SPAG17: variants seen among roughly 807,000 people sequenced by gnomAD.
SPAG17 encodes the protein sperm associated antigen 17.
A neutral mutation model predicts 273.6 loss-of-function variants in SPAG17; 169 were observed. The ratio of observed to expected loss-of-function variants is 0.62; its 90% CI spans 0.55 to 0.70. The LOEUF (loss-of-function observed/expected upper bound fraction) is 0.70, where lower values mean the gene tolerates loss of function less well. SPAG17 is among the 30% of genes least tolerant of loss of function. SPAG17 has a pLI of 0.00. For synonymous variants in SPAG17, 825 were observed against 873.2 expected (o/e 0.94, Z 0.97); for missense variants, 2,557 against 2,627.8 (o/e 0.97, Z 0.59).
intron 3 of SPAG17, among the ~76,000 whole-genome samples, chr1:118,139,745 T>C (rs1361694411): frequency 6.8e-6 from 1 of 147,180 alleles, no homozygotes; most frequent in Non-Finnish European, 1.5e-5. Flanking sequence ...AATCTAAAAA[T>C]CAAACTCATA....
chr1:118,118,812 T>A (rs1034501508), intron 3 of SPAG17, among the ~76,000 whole-genome samples: 1 of 152,212 alleles, frequency 6.6e-6, no homozygotes, highest in South Asian at 2.1e-4. Flanking sequence ...TAGATGCTAT[T>A]TTTCTGTTAG....
intron 24 of SPAG17, among the ~76,000 whole-genome samples, chr1:118,033,733 C>G (rs147869139): frequency 1.3e-5 from 2 of 152,214 alleles, no homozygotes; most frequent in Non-Finnish European, 2.9e-5. Flanking sequence ...GAACTTTTCA[C>G]CTTTCTGTGA....
intron 1 of SPAG17, among the ~76,000 whole-genome samples, chr1:118,169,824 A>G (rs997888926): frequency 5.9e-5 from 9 of 152,188 alleles, no homozygotes; most frequent in Admixed American, 2.6e-4. Context: ...AGGAACTTCC[A>G]TTACTATTTT....
At chr1:118,109,798 T>C (rs947431220) in intron 4 of SPAG17, among the ~76,000 whole-genome samples, 5 of 152,110 alleles carry the variant, frequency 3.3e-5, no homozygotes, top group Middle Eastern at 3.2e-3. Flanking sequence ...CAAGCTATCA[T>C]AGGGGACAAG....
intron 48 of SPAG17, among the ~76,000 whole-genome samples, chr1:117,958,649 GT>G (rs1652566192): frequency 6.6e-6 from 1 of 152,176 alleles, no homozygotes; most frequent in African/African-American, 2.4e-5. Flanking sequence ...CCACTGGCAG[GT>G]TGCTGGGCTG....
intron 3 of SPAG17, among the ~76,000 whole-genome samples, chr1:118,149,058 C>G (rs1486961647): frequency 6.6e-6 from 1 of 152,204 alleles, no homozygotes; most frequent in East Asian, 1.9e-4. Context: ...ACCTCAGGTT[C>G]AGTCTCCATG....
chr1:117,993,499 G>C (rs1244764989), intron 35 of SPAG17, among the ~76,000 whole-genome samples: 1 of 152,144 alleles, frequency 6.6e-6, no homozygotes. Flanking sequence ...AGTGTGACTT[G>C]TCCAAGATCC....
intron 3 of SPAG17, among the ~76,000 whole-genome samples, chr1:118,148,103 G>C (rs918700754): frequency 2.6e-5 from 4 of 152,118 alleles, no homozygotes; most frequent in African/African-American, 9.7e-5. Context: ...GTAACAAAAG[G>C]AATTTGTTAG....
chr1:117,972,075 T>C, intron 44 of SPAG17, 28 bp from the exon 45 acceptor site: 1 of 1,567,044 alleles, frequency 6.4e-7, no homozygotes, highest in Non-Finnish European at 8.6e-7. Flanking sequence ...ATTAATAAAA[T>C]GGTTCTATTT....
chr1:118,093,053 T>C (rs1482128455), intron 8 of SPAG17, 103 bp downstream of exon 8: 3 of 1,245,808 alleles, frequency 2.4e-6, no homozygotes, highest in Admixed American at 2.3e-5. Flanking sequence ...ATGACCTTAA[T>C]GTAAGTATTT....
intron 1 of SPAG17, among the ~76,000 whole-genome samples, chr1:118,170,031 GTTC>G (rs1358393733): frequency 1.3e-5 from 2 of 152,178 alleles, no homozygotes; most frequent in Non-Finnish European, 2.9e-5. Flanking sequence ...TCATTGCATA[GTTC>G]TTCTCAGGAC....
chr1:117,989,431 C>G (rs1656816957), intron 38 of SPAG17, among the ~76,000 whole-genome samples: 1 of 151,948 alleles, frequency 6.6e-6, no homozygotes, highest in Admixed American at 6.6e-5. Context: ...TTTTACCAAC[C>G]AGCTCTCATG....
intron 3 of SPAG17, among the ~76,000 whole-genome samples, chr1:118,125,721 C>T (rs964883107): frequency 2.0e-5 from 3 of 152,184 alleles, no homozygotes; most frequent in African/African-American, 7.2e-5. Context: ...TTTATTATGG[C>T]AGAATACTAT....
chr1:118,102,813 T>G (rs1176071418), intron 4 of SPAG17, among the ~76,000 whole-genome samples: 1 of 152,250 alleles, frequency 6.6e-6, no homozygotes. Context: ...ATATGTTGCT[T>G]TGACATCCAG....
intron 17 of SPAG17, among the ~76,000 whole-genome samples, chr1:118,067,235 C>T (rs993147742): frequency 3.9e-5 from 6 of 152,092 alleles, no homozygotes; most frequent in African/African-American, 1.4e-4. Flanking sequence ...TATAGACCAT[C>T]TAATTTTATC....
intron 28 of SPAG17, 52 bp from the exon 29 acceptor site, chr1:118,016,234 T>C: frequency 7.3e-7 from 1 of 1,378,368 alleles, no homozygotes; most frequent in East Asian, 2.3e-5. Flanking sequence ...TAGTATCAAT[T>C]ATATACATCA....
At chr1:118,151,693 C>G (rs1348200486) in intron 1 of SPAG17, among the ~76,000 whole-genome samples, 1 of 152,190 alleles carries the variant, frequency 6.6e-6, no homozygotes, top group Non-Finnish European at 1.5e-5. Context: ...ATTCCTATGT[C>G]ACAAATATAC....
In SPAG17 at chr1:118,004,702, T is replaced by C. The variant is rs147701523; in HGVS notation, c.4776+712A>G. Among the ~76,000 whole-genome samples the C allele has an allele frequency of 3.1e-3, 474 of 152,330 alleles. 4 individuals carry two copies. Among genetic ancestry groups the C allele is most frequent in the African/African-American group, 0.011 (450 of 41,582 alleles). ...TATTTGGGCAGGAATGTCCTGTTTTTCCAGGTACAGTTTGTCATGGTTTCC... is the reference window on the plus strand; with the variant it reads ...TATTTGGGCAGGAATGTCCTGTTTTCCCAGGTACAGTTTGTCATGGTTTCC... On this transcript the variant is annotated intron_variant, in intron 32 of 48. Coordinates refer to ENST00000336338, the MANE Select transcript of SPAG17 (RefSeq NM_206996.4).
At chr1:118,052,488 G>GACTATAGTTAATAACAGTGAAA (rs1553239272) in intron 20 of SPAG17, among the ~76,000 whole-genome samples, 1 of 151,872 alleles carries the variant, frequency 6.6e-6, no homozygotes, top group African/African-American at 2.4e-5. Context: ...ACAACATGAT[G>GACTATAGTTAATAACAGTGAAA]ACTATAGTTA....
Sources: allele counts gnomAD v4.1 joint callset (sites outside exome capture counted in the v4.1 genomes callset), GRCh38; gene constraint gnomAD v4.1.1; transcripts MANE v1.5; gene names NCBI Gene and HGNC (gene_info 2026-07-23, HGNC 2026-07-21).